The following MAP2K1 variants were observed in gnomAD, a reference collection of about 807,000 sequenced individuals.
MAP2K1 encodes the protein dual specificity mitogen-activated protein kinase kinase 1.
Under a neutral mutation model 46.3 loss-of-function variants are expected in MAP2K1, and 16 were observed. The ratio of observed to expected loss-of-function variants is 0.35; its 90% CI spans 0.23 to 0.52. The LOEUF is 0.52. Among genes scored for constraint, MAP2K1 ranks in the 20% least tolerant of loss-of-function variants. The pLI is 0.94. For synonymous variants in MAP2K1, 183 were observed against 185.6 expected, an observed-to-expected ratio of 0.99 and a Z score of 0.11; for missense variants, 263 against 497.1, an observed-to-expected ratio of 0.53 and a Z score of 4.48.
chr15:66,432,300 A>G (rs1210526952), intron 1 of MAP2K1, among the ~76,000 whole-genome samples: 1 of 152,212 alleles, frequency 6.6e-6, no homozygotes, highest in Non-Finnish European at 1.5e-5. Context: ...GTCAGAAGCC[A>G]GTTCATTAGC....
At chr15:66,430,609 G>A (rs1235865814) in intron 1 of MAP2K1, among the ~76,000 whole-genome samples, 1 of 152,202 alleles carries the variant, frequency 6.6e-6, no homozygotes, top group Non-Finnish European at 1.5e-5. Flanking sequence ...TCTCCTAGGA[G>A]TTAGGAGACC....
In MAP2K1 at chr15:66,437,556, G is replaced by A. The variant is rs7179822; in HGVS notation, c.438+664G>A. ...GGGCTGACGTGAGTCTGCACACTTG[G>A]TGGCTGTTGTGCTTTCAGTCCAGTA... On this transcript the variant is annotated intron_variant, in intron 3 of 10. Transcript: ENST00000307102. Among the ~76,000 whole-genome samples, 416 of 152,298 alleles carry A rather than the reference G, an allele frequency of 2.7e-3. 2 individuals carry two copies. The highest frequency in any genetic ancestry group is 9.7e-3 in the African/African-American group (402 of 41,566).
intron 5 of MAP2K1, among the ~76,000 whole-genome samples, chr15:66,472,777 C>T (rs1292971032): frequency 6.6e-6 from 1 of 152,092 alleles, no homozygotes; most frequent in Non-Finnish European, 1.5e-5. Flanking sequence ...TTTTCCAGAC[C>T]TTTTTTGGTG....
In MAP2K1 at chr15:66,489,957, C is replaced by G. The variant is rs568332658; in HGVS notation, c.1068+194C>G. ...TTTAAGGGAAAGCTGGGGTGACCCC[C>G]GCAGCCTGAGTAAGCATATGCCAGA... On this transcript the variant is annotated intron_variant, in intron 10 of 10. Coordinates refer to ENST00000307102, the MANE Select transcript of MAP2K1 (RefSeq NM_002755.4). 4.6e-6 allele frequency: 3 copies of G among 658,554 alleles called. No homozygotes were observed. In the Admixed American group the frequency reaches 6.8e-5, roughly 15 times the overall value. The allele number at this position is 658,554 out of a possible 1,614,324, so 40.8% of individuals were successfully genotyped here.
intron 5 of MAP2K1, among the ~76,000 whole-genome samples, chr15:66,445,457 A>G (rs1891844720): frequency 6.6e-6 from 1 of 152,246 alleles, no homozygotes; most frequent in African/African-American, 2.4e-5. Context: ...ATTTTAATAA[A>G]GGTACACATA....
chr15:66,391,979 T>C (rs1245380869), intron 1 of MAP2K1, among the ~76,000 whole-genome samples: 1 of 152,158 alleles, frequency 6.6e-6, no homozygotes, highest in Non-Finnish European at 1.5e-5. Context: ...ATCTCAGTAA[T>C]TTAACACACT....
At chr15:66,403,812 C>T (rs570093775) in intron 1 of MAP2K1, among the ~76,000 whole-genome samples, 1 of 152,210 alleles carries the variant, frequency 6.6e-6, no homozygotes, top group South Asian at 2.1e-4. Flanking sequence ...GACCCTCAGT[C>T]CATTTGAGAG....
At chr15:66,410,136 G>A (rs1053724975) in intron 1 of MAP2K1, among the ~76,000 whole-genome samples, 6 of 152,226 alleles carry the variant, frequency 3.9e-5, no homozygotes, top group African/African-American at 1.4e-4. Flanking sequence ...CCTGTGCAGG[G>A]CCCTTGTTTT....
chr15:66,433,430 A>T (rs561484760), intron 1 of MAP2K1, among the ~76,000 whole-genome samples: 2 of 152,260 alleles, frequency 1.3e-5, no homozygotes, highest in East Asian at 3.9e-4. Context: ...TGGCTTGCAG[A>T]TAGCTGCCTT....
chr15:66,417,035 A>G lies in MAP2K1; in HGVS notation c.81-17992A>G, dbSNP rs1044172127. ...GCTGAGGAGCAGGCCCTTCTAAACT[A>G]TGGGCAAGCTTTCTGGTTCTCTAGT... On this transcript the variant is annotated intron_variant, in intron 1 of 10. Coordinates refer to ENST00000307102, the MANE Select transcript of MAP2K1 (RefSeq NM_002755.4). Among the ~76,000 whole-genome samples the G allele has an allele frequency of 5.3e-5, 8 of 152,122 alleles. No individual in the cohort carries two copies. The East Asian group carries it at 9.6e-4, about 18-fold the overall frequency.
intron 1 of MAP2K1, 78 bp downstream of exon 1, chr15:66,387,505 T>C: frequency 7.1e-7 from 1 of 1,414,386 alleles, no homozygotes; most frequent in Non-Finnish European, 9.8e-7. Flanking sequence ...CGCGCCAGGC[T>C]CCGATCTGGT....
chr15:66,403,669 G>T (rs2093388100), intron 1 of MAP2K1, among the ~76,000 whole-genome samples: 1 of 152,164 alleles, frequency 6.6e-6, no homozygotes, highest in African/African-American at 2.4e-5. Context: ...TTAGAAATTT[G>T]GGGAGTTGTG....
At chr15:66,426,837 TA>T (rs1383472584) in intron 1 of MAP2K1, among the ~76,000 whole-genome samples, 1 of 152,252 alleles carries the variant, frequency 6.6e-6, no homozygotes. Context: ...TAAAATTCTC[TA>T]ATCCTAACAT....
intron 4 of MAP2K1, 21 bp from the exon 5 acceptor site, chr15:66,444,635 T>C (rs894277777): frequency 3.2e-6 from 5 of 1,570,532 alleles, no homozygotes; most frequent in Non-Finnish European, 4.4e-6. Context: ...TTTCTTTTCT[T>C]TTACATTCCC....
intron 1 of MAP2K1, among the ~76,000 whole-genome samples, chr15:66,399,696 A>G (rs1250583701): frequency 1.3e-5 from 2 of 152,174 alleles, no homozygotes; most frequent in African/African-American, 4.8e-5. Context: ...TCCCGGGTTC[A>G]AGTGATCCTC....
chr15:66,452,933 G>T (rs962009054), intron 5 of MAP2K1, among the ~76,000 whole-genome samples: 1 of 152,176 alleles, frequency 6.6e-6, no homozygotes, highest in African/African-American at 2.4e-5. Context: ...TAATTGCTGT[G>T]TATATATCTT....
chr15:66,395,476 C>T (rs536416545), intron 1 of MAP2K1, among the ~76,000 whole-genome samples: 28 of 152,132 alleles, frequency 1.8e-4, no homozygotes, highest in African/African-American at 6.5e-4. Flanking sequence ...CCTCACTGTG[C>T]CACCAGCATA....
chr15:66,415,141 A>G (rs908675653), intron 1 of MAP2K1: 25 of 525,340 alleles, frequency 4.8e-5, no homozygotes, highest in Non-Finnish European at 8.7e-5. Flanking sequence ...CCAGCTTGGC[A>G]GCTCCCCTAG....
At chr15:66,478,387 C>A in intron 5 of MAP2K1, among the ~76,000 whole-genome samples, 1 of 99,526 alleles carries the variant, frequency 1.0e-5, no homozygotes, top group African/African-American at 4.9e-5. Context: ...TATATATACA[C>A]AGATATGTGT....
Sources: gnomAD v4.1 joint callset for allele counts (sites outside exome capture counted in the v4.1 genomes callset) on GRCh38, gnomAD v4.1.1 for gene constraint, MANE v1.5 for transcripts, NCBI Gene and HGNC (gene_info 2026-07-23, HGNC 2026-07-21) for gene names.